Variants in CSMD2 observed in about 807,000 individuals in gnomAD.
The protein encoded by CSMD2 is CUB and Sushi multiple domains 2, also known as CUB and sushi domain-containing protein 2.
CSMD2 carries 130 observed loss-of-function variants against 398.5 expected under a neutral mutation model. The ratio of observed to expected loss-of-function variants is 0.33; its 90% CI spans 0.28 to 0.38. CSMD2 has a LOEUF of 0.38. Ranked by LOEUF, CSMD2 falls within the 10% of genes least tolerant of loss-of-function variation. The pLI is 1.00. For synonymous variants in CSMD2, 1,828 were observed against 1,908.5 expected, an observed-to-expected ratio of 0.96 and a Z score of 1.10; for missense variants, 3,829 against 4,764.9, an observed-to-expected ratio of 0.80 and a Z score of 5.78.
rs1001668892 is a variant in CSMD2, at chr1:33,635,075, G to C, written c.5086+139C>G. ...GCCCGTTTGAGAAACGTCAGCACTC[G>C]GCCGTCCTTTTGGGGAGACTGTTCT... On this transcript the variant is annotated intron_variant, in intron 31 of 70. Transcript: ENST00000373381. The surrounding 1 kb of genome is among the most constrained non-coding windows in gnomAD (Gnocchi z 5.0). 43 of 604,856 alleles carry C rather than the reference G, an allele frequency of 7.1e-5. No homozygotes were observed. Among genetic ancestry groups the C allele is most frequent in the Non-Finnish European group, 1.2e-4 (40 of 327,226 alleles). 37.5% of individuals were successfully genotyped at this position (604,856 alleles called of 1,614,324 possible). A position where few individuals can be genotyped will look rare whatever the true frequency, so the allele number is the denominator to read the frequency against.
At chr1:33,657,909 C>T (rs1270902283) in intron 27 of CSMD2, 37 bp downstream of exon 27, 1 of 1,576,430 alleles carries the variant, frequency 6.3e-7, no homozygotes, top group South Asian at 1.1e-5. Flanking sequence ...CAACTGTGAG[C>T]CCCAAGAGCA....
At chr1:33,651,933 T>G (rs1571094030) in intron 28 of CSMD2, among the ~76,000 whole-genome samples, 1 of 150,816 alleles carries the variant, frequency 6.6e-6, no homozygotes, top group African/African-American at 2.4e-5. Flanking sequence ...TTGGGGGGGG[T>G]GCCTGGGACC....
intron 42 of CSMD2, among the ~76,000 whole-genome samples, chr1:33,603,557 G>A (rs1334422335): frequency 6.6e-6 from 1 of 152,174 alleles, no homozygotes; most frequent in Non-Finnish European, 1.5e-5. Context: ...ACAGGTACAC[G>A]CCATCCCTGC....
At chr1:33,516,892 T>C (rs1298079828) in intron 70 of CSMD2, among the ~76,000 whole-genome samples, 1 of 114,054 alleles carries the variant, frequency 8.8e-6, no homozygotes, top group African/African-American at 3.9e-5. Flanking sequence ...TTTAGTTTCT[T>C]TCAAAATCAG....
intron 7 of CSMD2, among the ~76,000 whole-genome samples, chr1:33,824,763 T>C (rs1357665690): frequency 6.6e-6 from 1 of 151,350 alleles, no homozygotes; most frequent in South Asian, 2.1e-4. Flanking sequence ...AGAAGAACGA[T>C]GGAGCAGAAA....
chr1:34,151,072 C>T (rs2148554878), intron 1 of CSMD2, among the ~76,000 whole-genome samples: 1 of 152,300 alleles, frequency 6.6e-6, no homozygotes, highest in South Asian at 2.1e-4. Flanking sequence ...GATATTCTAC[C>T]TGCAAATTGC....
intron 1 of CSMD2, among the ~76,000 whole-genome samples, chr1:34,097,159 G>A (rs1180895806): frequency 6.8e-6 from 1 of 147,402 alleles, no homozygotes; most frequent in Non-Finnish European, 1.5e-5. Context: ...CAAGCAATGG[G>A]GAAAGGATTC....
intron 1 of CSMD2, among the ~76,000 whole-genome samples, chr1:34,130,281 GAC>G (rs1441808109): frequency 1.3e-5 from 2 of 150,106 alleles, no homozygotes; most frequent in Non-Finnish European, 3.0e-5. Flanking sequence ...GGTCACCTCT[GAC>G]AGTGCCATCC....
intron 67 of CSMD2, among the ~76,000 whole-genome samples, chr1:33,522,197 C>A (rs149157337): frequency 0.011 from 1,636 of 152,306 alleles, 28 homozygotes; most frequent in African/African-American, 0.029. Flanking sequence ...GTACTCCCAA[C>A]CTATGCTCCA....
chr1:33,557,791 G>A lies in CSMD2; in HGVS notation c.8686C>T (p.Pro2896Ser), dbSNP rs1472301845. ...CNHGFYLLGT[P>S]VLSCQGDGTW... ...CCATCTCCCTGGCAGCTGAGCACTG[G>A]GGTGCCCAGGAGGTAGAAGCCGTGG... The change falls in exon 55 of 71, where the codon CCA becomes TCA. Residue 2896 changes from proline to serine, a missense_variant. This residue lies in a region of CSMD2 where 917 missense variants were observed against 1,199.5 expected (regional missense o/e 0.76). Coordinates refer to ENST00000373381, the MANE Select transcript of CSMD2 (RefSeq NM_001281956.2). 7.8e-6 allele frequency: 12 copies of A among 1,535,976 alleles called. No individual in the cohort carries two copies. The highest frequency in any genetic ancestry group is 9.6e-6 in the Non-Finnish European group (11 of 1,146,904).
Position 33,540,547 on chromosome 1 carries a change from G to C in CSMD2, c.9609C>G (p.Thr3203=), listed in dbSNP as rs200819682. 2.5e-5 allele frequency: 40 copies of C among 1,614,138 alleles called. No homozygotes were observed. Among genetic ancestry groups the C allele is most frequent in the Non-Finnish European group, 3.2e-5 (38 of 1,180,028 alleles). ...TACGGAAACACTGAGGCAGCTCTCC[G>C]GTCCAGGACCCATTTCCCTCACAGG... ...VFTCEGNGSW[T]GELPQCFPVF... Residue 3203 remains threonine, a synonymous_variant, in exon 60 of 71, where the codon ACC becomes ACG. Transcript: ENST00000373381.
At position 34,165,022 on chromosome 1, in the gene CSMD2, A is replaced by G; in HGVS notation, c.76T>C (p.Ser26Pro). 1.7e-6 allele frequency: 2 copies of G among 1,210,606 alleles called. No homozygotes were observed. Among genetic ancestry groups the G allele is most frequent in the Non-Finnish European group, 2.1e-6 (2 of 974,576 alleles). The allele number at this position is 1,210,606 out of a possible 1,614,324, so 75.0% of individuals were successfully genotyped here. The change falls in exon 1 of 71, where the codon TCG becomes CCG. Residue 26 changes from serine (S) to proline (P), a missense_variant. This residue lies in a region of CSMD2 where 184 missense variants were observed against 217.7 expected (regional missense o/e 0.85). Coordinates refer to ENST00000373381, the MANE Select transcript of CSMD2 (RefSeq NM_001281956.2). ...CTCCCGGCGCCCGGCACAAGCGCCGAAATCCCGGTTTCGCCGCGAGCCCTC... is the reference window on the plus strand; with the variant it reads ...CTCCCGGCGCCCGGCACAAGCGCCGGAATCCCGGTTTCGCCGCGAGCCCTC... The part of the protein sequence containing the change: ...AGRARGETGI[S>P]ALVPGAGSRW...
intron 1 of CSMD2, among the ~76,000 whole-genome samples, chr1:34,148,490 AATTCATTCATTC>A (rs146702321): frequency 7.9e-4 from 120 of 152,268 alleles, no homozygotes; most frequent in African/African-American, 2.7e-3. Context: ...CTTGACGTGT[AATTCATTCATTC>A]ATTCATTCAT....
In CSMD2 at chr1:33,520,035, G is replaced by C. The variant is rs562929463; in HGVS notation, c.10598-85C>G. The C allele has an allele frequency of 2.0e-6, 3 of 1,512,352 alleles. No individual in the cohort carries two copies. The African/African-American group carries it at 4.1e-5, about 21-fold the overall frequency. 93.7% of individuals were successfully genotyped at this position (1,512,352 alleles called of 1,614,324 possible). A position where few individuals can be genotyped will look rare whatever the true frequency, so the allele number is the denominator to read the frequency against. On this transcript the variant is annotated intron_variant, in intron 68 of 70. Transcript: ENST00000373381. ...TACCCTCCCCGACTATACACTCTTG[G>C]GAAGCAGGGCTGCCACTCAGGGTGC... is the stretch of plus-strand genomic sequence containing the variant.
chr1:33,843,927 C>T (rs1327298266), intron 6 of CSMD2, among the ~76,000 whole-genome samples: 2 of 152,184 alleles, frequency 1.3e-5, no homozygotes, highest in Non-Finnish European at 2.9e-5. Context: ...CCACCTTCTT[C>T]CCTGGTCCCT....
chr1:33,869,375 T>C (rs1461883261), intron 5 of CSMD2: 1 of 152,124 alleles, frequency 6.6e-6, no homozygotes, highest in Non-Finnish European at 1.5e-5. Flanking sequence ...AAACCAAATG[T>C]GGGAACTGTG....
In CSMD2 at chr1:33,772,572, C is replaced by A. The variant is rs200557124; in HGVS notation, c.1843G>T (p.Val615Leu). The A allele has an allele frequency of 1.9e-6, 3 of 1,612,656 alleles. No individual in the cohort carries two copies. The highest frequency in any genetic ancestry group is 2.5e-6 in the Non-Finnish European group (3 of 1,179,092). ...GGCCTCCTCCCTGCTCACTTACACA[C>A]GCAGCCTGGCTTCTTAGCCGACCAT... Reference protein sequence around the residue: ...NQWSAKKPGCVFSCFFNFTSP... With the variant: ...NQWSAKKPGCLFSCFFNFTSP... Residue 615 changes from valine to leucine, a missense_variant, in exon 13 of 71, where the codon GTG (valine) becomes TTG (leucine). By Grantham distance (32) the Val-to-Leu change is conservative. Transcript: ENST00000373381.
rs182118570 is a variant in CSMD2 at position 33,956,450 on chromosome 1, C to T, written c.518-20496G>A. ...CTTTTGTGACTGGCATCCTTCACTT[C>T]GCATAATGTCCTTGAGAGCCATCCA... On this transcript the variant is annotated intron_variant, in intron 3 of 70. Coordinates refer to ENST00000373381, the MANE Select transcript of CSMD2 (RefSeq NM_001281956.2). 4.0e-3 allele frequency among the ~76,000 whole-genome samples: 603 copies of T among 152,258 alleles called. 6 individuals are homozygous for T. The highest frequency in any genetic ancestry group is 0.014 in the African/African-American group (571 of 41,546).
chr1:34,046,786 T>G (rs1358981948), intron 2 of CSMD2, among the ~76,000 whole-genome samples: 3 of 152,206 alleles, frequency 2.0e-5, no homozygotes, highest in Non-Finnish European at 2.9e-5. Context: ...TGTACTATGC[T>G]TGGTTCTCAG....
Sources: gnomAD v4.1 joint callset for allele counts (sites outside exome capture counted in the v4.1 genomes callset) on GRCh38, gnomAD v4.1.1 for gene constraint, gnomAD v4.1.1 regional missense constraint, Gnocchi (gnomAD v3.1) non-coding constraint, MANE v1.5 for transcripts, NCBI Gene and HGNC (gene_info 2026-07-23, HGNC 2026-07-21) for gene names.